DNAH17: variants seen among roughly 807,000 people sequenced by gnomAD.
DNAH17 encodes dynein axonemal heavy chain 17.
DNAH17 carries 376 observed loss-of-function variants against 485.6 expected under a neutral mutation model. The ratio of observed to expected loss-of-function variants is 0.77; its 90% CI spans 0.71 to 0.84. DNAH17 has a LOEUF of 0.84. DNAH17 is among the 40% of genes least tolerant of loss of function. DNAH17 has a pLI of 0.00. For missense variants in DNAH17, 6,370 were observed against 5,839.3 expected (o/e 1.09, Z -2.96); for synonymous variants, 3,031 against 2,405.9 (o/e 1.26, Z -7.60).
chr17:78,450,971 T>A, intron 66 of DNAH17, 125 bp from the exon 67 acceptor site: 1 of 1,230,556 alleles, frequency 8.1e-7, no homozygotes, highest in Non-Finnish European at 1.1e-6. Context: ...CGAGCTCAGG[T>A]CCTGGAAGGG....
rs1598741464 is a variant in DNAH17 at position 78,567,293 on chromosome 17, T to C, written c.1285-127A>G. ...AAATGTCCCCAGGAGACACCAACCA[T>C]GGGGGTGGGAGGACACCCTCTGTGT... On this transcript the variant is annotated intron_variant, in intron 9 of 80. Coordinates refer to ENST00000389840, the MANE Select transcript of DNAH17 (RefSeq NM_173628.4). 3 of 919,612 alleles carry C rather than the reference T, an allele frequency of 3.3e-6. No individual in the cohort carries two copies. The African/African-American group carries it at 5.1e-5, about 16-fold the overall frequency. The allele number at this position is 919,612 out of a possible 1,614,324, so 57.0% of individuals were successfully genotyped here. A position where few individuals can be genotyped will look rare whatever the true frequency, so the allele number is the denominator to read the frequency against.
chr17:78,454,446 C>A, intron 64 of DNAH17, 24 bp downstream of exon 64: 6 of 1,588,524 alleles, frequency 3.8e-6, no homozygotes, highest in Non-Finnish European at 4.3e-6. Flanking sequence ...CGGGCTTCGG[C>A]CCAGGTCCTG....
In DNAH17 at chr17:78,566,929, C is replaced by G. The variant is rs549311994; in HGVS notation, c.1452+70G>C. ...CCTCCGTGTGCCCTCCCATCACACC[C>G]CTAAGCTGGTACCGAGGCTGGTGCT... On this transcript the variant is annotated intron_variant, in intron 10 of 80. Transcript: ENST00000389840. 12 of 1,530,042 alleles carry G rather than the reference C, an allele frequency of 7.8e-6. No individual in the cohort carries two copies. The African/African-American group carries it at 1.1e-4, about 14-fold the overall frequency. The allele number at this position is 1,530,042 out of a possible 1,614,324, so 94.8% of individuals were successfully genotyped here. A position where few individuals can be genotyped will look rare whatever the true frequency, so the allele number is the denominator to read the frequency against.
chr17:78,450,529 G>A (rs1598468673), intron 67 of DNAH17, 135 bp from the exon 68 acceptor site: 9 of 1,425,464 alleles, frequency 6.3e-6, no homozygotes, highest in Non-Finnish European at 8.5e-6. Context: ...GGTGCAGGAT[G>A]GGAGCCCAGA....
chr17:78,437,704 G>C lies in DNAH17; in HGVS notation c.11970C>G (p.Ile3990Met), dbSNP rs774418342. Reference protein sequence around the residue: ...PQGILENAIKITNEPPTGMHA... With the variant: ...PQGILENAIKMTNEPPTGMHA... ...GCATGCCCGTGGGGGGCTCGTTGGT[G>C]ATCTTGATGGCGTTCTCCAGAATGC... is the stretch of plus-strand genomic sequence containing the variant. The change falls in exon 74 of 81, where the codon ATC (isoleucine) becomes ATG (methionine). Residue 3990 changes from isoleucine (I) to methionine (M), a missense_variant. Transcript: ENST00000389840. 6.2e-7 allele frequency: 1 copy of C among 1,612,462 alleles called. No individual in the cohort carries two copies. Among genetic ancestry groups the C allele is most frequent in the South Asian group, 1.1e-5 (1 of 91,054 alleles).
intron 11 of DNAH17, 36 bp from the exon 12 acceptor site, chr17:78,562,016 G>C (rs1224782079): frequency 7.8e-6 from 12 of 1,529,094 alleles, no homozygotes; most frequent in Non-Finnish European, 1.1e-5. Flanking sequence ...CTTCACCACA[G>C]TCTCCTCCCC....
At chr17:78,458,860 T>C in intron 61 of DNAH17, 141 bp downstream of exon 61, 1 of 1,089,334 alleles carries the variant, frequency 9.2e-7, no homozygotes, top group Non-Finnish European at 1.4e-6. Flanking sequence ...ATCTGGCCCC[T>C]GCCTCTGCCT....
chr17:78,466,594 C>T, intron 56 of DNAH17, 61 bp downstream of exon 56: 1 of 1,490,754 alleles, frequency 6.7e-7, no homozygotes, highest in Non-Finnish European at 8.9e-7. Context: ...GGAGCCAGCC[C>T]TTGGGCCTGT....
In DNAH17 at chr17:78,526,979, C is replaced by A; in HGVS notation, c.3525G>T (p.Trp1175Cys). The change falls in exon 23 of 81, where the codon TGG becomes TGT. Residue 1175 changes from tryptophan to cysteine, a missense_variant. Physicochemically the swap from Trp to Cys is radical, Grantham distance 215. Transcript: ENST00000389840. ...GAATGGCCAGTTTCTTGGTATTTGC[C>A]CAGTGCTCCGGCAGCTCCTGCGGGA... ...HLKLQELPEH[W>C]ANTKKLAIQV... 1 of 1,582,840 alleles carries A rather than the reference C, an allele frequency of 6.3e-7. No individual in the cohort carries two copies.
chr17:78,499,284 G>A, intron 36 of DNAH17, 172 bp from the exon 37 acceptor site: 1 of 480,368 alleles, frequency 2.1e-6, no homozygotes, highest in Non-Finnish European at 3.7e-6. Context: ...TACTGCCCAG[G>A]GTAACACCGT....
Position 78,479,559 on chromosome 17 carries a change from G to T in DNAH17, c.7826C>A (p.Thr2609Lys). Residue 2609 changes from threonine to lysine, a missense_variant, in exon 50 of 81, where the codon ACG (threonine) becomes AAG (lysine). Transcript: ENST00000389840. ...GACCGAGCGGAAGGCCAGGTGCTGC[G>T]TCAGGATTGTGTTGTAGATGGTGGT... Reference protein sequence around the residue: ...ALTTIYNTILTQHLAFRSVSM... With the variant: ...ALTTIYNTILKQHLAFRSVSM... 1 of 1,613,648 alleles carries T rather than the reference G, an allele frequency of 6.2e-7. No individual in the cohort carries two copies. The highest frequency in any genetic ancestry group is 8.5e-7 in the Non-Finnish European group (1 of 1,179,872).
At position 78,486,834 on chromosome 17, in the gene DNAH17, C is replaced by G. The variant is rs183368657; in HGVS notation, c.6819-328G>C. ...CCAAGGGCTGGTGGATGGGGCAGAA[C>G]AGAAAAGGAGAAAGATCTCATGATG... On this transcript the variant is annotated intron_variant, in intron 44 of 80. Coordinates refer to ENST00000389840, the MANE Select transcript of DNAH17 (RefSeq NM_173628.4). Among the ~76,000 whole-genome samples the G allele has an allele frequency of 6.3e-4, 96 of 152,062 alleles. 2 individuals are homozygous for G. In the South Asian group the frequency reaches 0.019, roughly 30 times the overall value.
Position 78,458,990 on chromosome 17 carries a change from C to A in DNAH17, c.9861+11G>T. On this transcript the variant is annotated intron_variant, in intron 61 of 80. Transcript: ENST00000389840. ...GGTGTTTCGCAGGGACGGGAGCGAG[C>A]CGGCACTTACGGCAATCTTGTTTTT... 6.2e-7 allele frequency: 1 copy of A among 1,613,738 alleles called. No homozygotes were observed.
chr17:78,478,088 T>TCAC (rs1191521114), intron 51 of DNAH17, among the ~76,000 whole-genome samples: 4 of 52,694 alleles, frequency 7.6e-5, no homozygotes, highest in African/African-American at 2.9e-4. Flanking sequence ...ATCATCACCA[T>TCAC]CACCACCACC....
Position 78,450,848 on chromosome 17 carries a change from T to C in DNAH17, c.10735-2A>G. On this transcript the variant is annotated splice_acceptor_variant, in intron 66 of 80. Coordinates refer to ENST00000389840, the MANE Select transcript of DNAH17 (RefSeq NM_173628.4). LOFTEE classifies it high-confidence loss of function. ...GTTTTGAGACTTGGTGAGGTTTGCCTGCAAGGGGAGGTGCAGGAGTCACTG... is the reference window on the plus strand; with the variant it reads ...GTTTTGAGACTTGGTGAGGTTTGCCCGCAAGGGGAGGTGCAGGAGTCACTG... 6.2e-7 allele frequency: 1 copy of C among 1,613,852 alleles called. No homozygotes were observed. Among genetic ancestry groups the C allele is most frequent in the Non-Finnish European group, 8.5e-7 (1 of 1,179,816 alleles).
Position 78,459,790 on chromosome 17 carries a change from G to A in DNAH17, c.9647C>T (p.Ala3216Val). 6.2e-7 allele frequency: 1 copy of A among 1,614,004 alleles called. No homozygotes were observed. The highest frequency in any genetic ancestry group is 8.5e-7 in the Non-Finnish European group (1 of 1,179,874). ...AGGCCCAGCCCCGACTCACTTGAAG[G>A]CCTTCAGGCAGGCCTCAGGGATGTG... is the stretch of plus-strand genomic sequence containing the variant. Reference protein sequence around the residue: ...KEHIPEACLKAFKPYQGNPTF... With the variant: ...KEHIPEACLKVFKPYQGNPTF... The change falls in exon 60 of 81, where the codon GCC becomes GTC. Residue 3216 changes from alanine to valine, a missense_variant. Physicochemically the swap from Ala to Val is moderately conservative, Grantham distance 64 (BLOSUM62 0). Coordinates refer to ENST00000389840, the MANE Select transcript of DNAH17 (RefSeq NM_173628.4).
intron 16 of DNAH17, among the ~76,000 whole-genome samples, chr17:78,545,704 T>G (rs2091741992): frequency 6.6e-6 from 1 of 152,196 alleles, no homozygotes; most frequent in Non-Finnish European, 1.5e-5. Flanking sequence ...ATAATAATGC[T>G]GTGTTAGCCT....
Position 78,482,771 on chromosome 17 carries a change from G to A in DNAH17, c.7650-1985C>T, listed in dbSNP as rs547955602. Reference sequence around the variant, plus strand: ...AGTCCATCCTTCCCTGTTGTCGTGGGGCCATGTTAATCTGATATTCTAGAA... The same window carrying A: ...AGTCCATCCTTCCCTGTTGTCGTGGAGCCATGTTAATCTGATATTCTAGAA... On this transcript the variant is annotated intron_variant, in intron 48 of 80. Transcript: ENST00000389840. 3.3e-5 allele frequency among the ~76,000 whole-genome samples: 5 copies of A among 152,176 alleles called. No homozygotes were observed. The East Asian group carries it at 9.7e-4, about 29-fold the overall frequency.
chr17:78,446,704 C>T (rs771627295), intron 69 of DNAH17, among the ~76,000 whole-genome samples: 15 of 152,258 alleles, frequency 9.9e-5, no homozygotes, highest in East Asian at 3.9e-4. Context: ...AGCGCAGTAG[C>T]GCAATCTCGG....
Sources: gnomAD v4.1 joint callset for allele counts (sites outside exome capture counted in the v4.1 genomes callset) on GRCh38, gnomAD v4.1.1 for gene constraint, MANE v1.5 for transcripts, NCBI Gene and HGNC (gene_info 2026-07-23, HGNC 2026-07-21) for gene names.